Variants in PRMT9 observed in about 807,000 individuals in gnomAD.
PRMT9 encodes protein arginine methyltransferase 9.
PRMT9 carries 59 observed loss-of-function variants against 83.2 expected under a neutral mutation model. That is an observed-to-expected ratio of 0.71 (90% CI 0.57 to 0.88). PRMT9 has a LOEUF of 0.88. PRMT9 is among the 40% of genes least tolerant of loss of function. PRMT9 has a pLI of 0.00. For synonymous variants in PRMT9, 333 were observed against 353.2 expected (o/e 0.94, Z 0.64); for missense variants, 947 against 1,021.9 (o/e 0.93, Z 1.00).
At chr4:147,682,821 A>G (rs186643354) in intron 1 of PRMT9, among the ~76,000 whole-genome samples, 4 of 152,316 alleles carry the variant, frequency 2.6e-5, no homozygotes, top group Admixed American at 2.6e-4. Context: ...CTAAGTTTAC[A>G]TGAACTACAA....
chr4:147,660,806 G>T, intron 7 of PRMT9, 40 bp downstream of exon 7: 2 of 1,353,792 alleles, frequency 1.5e-6, no homozygotes, highest in Non-Finnish European at 1.1e-6. Flanking sequence ...AACAATGCAT[G>T]AAATTTAATG....
intron 6 of PRMT9, among the ~76,000 whole-genome samples, chr4:147,662,654 C>G (rs552683082): frequency 6.6e-6 from 1 of 152,014 alleles, no homozygotes; most frequent in Non-Finnish European, 1.5e-5. Flanking sequence ...AATAAAATAG[C>G]CAGGTATGGT....
At chr4:147,653,607 A>G (rs1327262275) in intron 9 of PRMT9, among the ~76,000 whole-genome samples, 3 of 152,126 alleles carry the variant, frequency 2.0e-5, no homozygotes, top group Non-Finnish European at 4.4e-5. Flanking sequence ...AAGTAAGAAC[A>G]TGCTTAAAGA....
intron 9 of PRMT9, among the ~76,000 whole-genome samples, chr4:147,650,781 G>C (rs567090450): frequency 6.6e-6 from 1 of 152,288 alleles, no homozygotes; most frequent in African/African-American, 2.4e-5. Context: ...CTGGTATAAA[G>C]ACAGACATAC....
chr4:147,645,158 T>C (rs1211532052), intron 9 of PRMT9, among the ~76,000 whole-genome samples: 1 of 152,154 alleles, frequency 6.6e-6, no homozygotes, highest in Non-Finnish European at 1.5e-5. Context: ...CTATGTAGTC[T>C]CCCTAAATAG....
intron 9 of PRMT9, among the ~76,000 whole-genome samples, chr4:147,651,857 T>G (rs1560974919): frequency 6.6e-6 from 1 of 152,164 alleles, no homozygotes; most frequent in African/African-American, 2.4e-5. Flanking sequence ...ATTTATTCAG[T>G]ATAGAGTGTT....
intron 9 of PRMT9, among the ~76,000 whole-genome samples, chr4:147,651,889 G>A (rs538545400): frequency 6.6e-6 from 1 of 152,282 alleles, no homozygotes; most frequent in South Asian, 2.1e-4. Context: ...AAGAGCTCTG[G>A]AGATAATTTA....
chr4:147,668,467 C>T (rs1383938943), intron 6 of PRMT9, 72 bp downstream of exon 6: 4 of 934,864 alleles, frequency 4.3e-6, no homozygotes, highest in Non-Finnish European at 6.9e-6. Context: ...TCATTTAAAC[C>T]TCTTTCCTTT....
intron 9 of PRMT9, among the ~76,000 whole-genome samples, chr4:147,648,183 T>C (rs1343691924): frequency 6.6e-6 from 1 of 152,128 alleles, no homozygotes; most frequent in Admixed American, 6.5e-5. Flanking sequence ...AAATGATGAC[T>C]AAGGGCCCCT....
chr4:147,641,718 G>A (rs1044231215), intron 10 of PRMT9, among the ~76,000 whole-genome samples: 2 of 152,156 alleles, frequency 1.3e-5, no homozygotes, highest in Non-Finnish European at 2.9e-5. Context: ...CTGGAGTGCA[G>A]TGTCGTGATT....
rs1734324418 is a variant in PRMT9 at position 147,654,228 on chromosome 4, T to C, written c.1669A>G (p.Met557Val). The change falls in exon 9 of 12, where the codon ATG becomes GTG. Residue 557 changes from methionine to valine, a missense_variant. Physicochemically the swap from Met to Val is conservative, Grantham distance 21. Coordinates refer to ENST00000322396, the MANE Select transcript of PRMT9 (RefSeq NM_138364.4). Reference protein sequence around the residue: ...SLTPEKLYQTMDTHCQNEMSS... With the variant: ...SLTPEKLYQTVDTHCQNEMSS... ...ATCTCATTCTGACAGTGAGTATCCA[T>C]GGTCTGATACAGTTTCTCTGGAGTC... The C allele has an allele frequency of 1.2e-6, 2 of 1,614,040 alleles. No homozygotes were observed. Among genetic ancestry groups the C allele is most frequent in the South Asian group, 1.1e-5 (1 of 91,092 alleles).
intron 6 of PRMT9, chr4:147,661,447 A>G (rs919788247): frequency 6.1e-6 from 1 of 163,524 alleles, no homozygotes; most frequent in African/African-American, 2.4e-5. Flanking sequence ...GCCAATAAGC[A>G]CATGAGAAAA....
intron 9 of PRMT9, among the ~76,000 whole-genome samples, chr4:147,643,893 G>A (rs1733569804): frequency 6.6e-6 from 1 of 152,124 alleles, no homozygotes; most frequent in Non-Finnish European, 1.5e-5. Context: ...TCAACAGGCT[G>A]AGATGGGAGG....
chr4:147,653,453 A>ATATAT (rs57881191), intron 9 of PRMT9, among the ~76,000 whole-genome samples: 16 of 148,652 alleles, frequency 1.1e-4, no homozygotes, highest in African/African-American at 3.7e-4. Flanking sequence ...AAAAAAAAAA[A>ATATAT]ATATATATAT....
At chr4:147,662,511 T>G (rs1222397785) in intron 6 of PRMT9, among the ~76,000 whole-genome samples, 1 of 152,108 alleles carries the variant, frequency 6.6e-6, no homozygotes, top group African/African-American at 2.4e-5. Flanking sequence ...CAACAAAAAT[T>G]TACATTGGGC....
chr4:147,654,024 C>T lies in PRMT9; in HGVS notation c.1873G>A (p.Ala625Thr), dbSNP rs1734304732. The T allele has an allele frequency of 6.2e-7, 1 of 1,614,084 alleles. No individual in the cohort carries two copies. The highest frequency in any genetic ancestry group is 1.7e-5 in the Admixed American group (1 of 60,002). The change falls in exon 9 of 12, where the codon GCC becomes ACC. Residue 625 changes from alanine (A) to threonine (T), a missense_variant. Physicochemically the swap from Ala to Thr is moderately conservative, Grantham distance 58. Transcript: ENST00000322396. The stretch of plus-strand genomic sequence containing the variant: ...AGTGTTTCTTTAGGAAAGTGATTGG[C>T]TTCAGATATGAGGTCCAGAGCAATA... ...HRIALDLISE[A>T]NHFPKETLEF...
chr4:147,672,268 A>G (rs936791145), intron 4 of PRMT9, among the ~76,000 whole-genome samples: 6 of 152,238 alleles, frequency 3.9e-5, no homozygotes, highest in Non-Finnish European at 8.8e-5. Flanking sequence ...TAGTTGATAT[A>G]AGGCACAAAA....
At chr4:147,658,032 C>T in intron 7 of PRMT9, 57 bp from the exon 8 acceptor site, 1 of 1,170,958 alleles carries the variant, frequency 8.5e-7, no homozygotes, top group South Asian at 1.3e-5. Flanking sequence ...ATACTTGCCT[C>T]AGTATCTTAC....
intron 4 of PRMT9, 23 bp downstream of exon 4, chr4:147,672,936 A>T (rs748352605): frequency 1.3e-6 from 2 of 1,599,888 alleles, no homozygotes; most frequent in Non-Finnish European, 1.7e-6. Flanking sequence ...TATAAACACT[A>T]AAATTAGTTT....
Sources: gnomAD v4.1 joint callset for allele counts (sites outside exome capture counted in the v4.1 genomes callset) on GRCh38, gnomAD v4.1.1 for gene constraint, MANE v1.5 for transcripts, NCBI Gene and HGNC (gene_info 2026-07-23, HGNC 2026-07-21) for gene names.